SLC2A9: variants seen among roughly 807,000 people sequenced by gnomAD.
The protein encoded by SLC2A9 is solute carrier family 2, facilitated glucose transporter member 9.
Under a neutral mutation model 50.6 loss-of-function variants are expected in SLC2A9, and 39 were observed. The ratio of observed to expected loss-of-function variants is 0.77; its 90% CI spans 0.60 to 1.01. SLC2A9 has a LOEUF of 1.01. Ranked by LOEUF, SLC2A9 falls within the 50% of genes least tolerant of loss-of-function variation. The pLI is 0.00. For missense variants in SLC2A9, 686 were observed against 677.6 expected (o/e 1.01, Z -0.14); for synonymous variants, 324 against 276.9 (o/e 1.17, Z -1.69).
chr4:9,972,060 T>C lies in SLC2A9; in HGVS notation c.681+8532A>G, dbSNP rs561449344. On this transcript the variant is annotated intron_variant, in intron 5 of 11. Transcript: ENST00000264784. ...TCACCTCCCTGAATATGCACATGGT[T>C]TACTATGGCACACCTATGCCAATTG... Among the ~76,000 whole-genome samples the C allele has an allele frequency of 6.4e-4, 97 of 152,238 alleles. 1 individual carries two copies. Among genetic ancestry groups the C allele is most frequent in the Non-Finnish European group, 1.2e-3 (80 of 68,046 alleles).
At chr4:10,038,544 C>T (rs1033889528) in intron 1 of SLC2A9, among the ~76,000 whole-genome samples, 1 of 139,434 alleles carries the variant, frequency 7.2e-6, no homozygotes, top group East Asian at 2.2e-4. Flanking sequence ...TTAGTTCAGA[C>T]AAGTGGGTAC....
chr4:9,893,863 G>A lies in SLC2A9; in HGVS notation c.1114-3152C>T, dbSNP rs114567714. On this transcript the variant is annotated intron_variant, in intron 8 of 11. Coordinates refer to ENST00000264784, the MANE Select transcript of SLC2A9 (RefSeq NM_020041.3). ...CTCTGTGTAACTCATACTAATTTCA[G>A]TGTAACAATGCAACACATGTTAATC... 4.0e-3 allele frequency among the ~76,000 whole-genome samples: 608 copies of A among 152,312 alleles called. 3 individuals carry two copies. Among genetic ancestry groups the A allele is most frequent in the African/African-American group, 0.014 (564 of 41,564 alleles).
chr4:9,854,521 C>T (rs1357558895), intron 10 of SLC2A9, among the ~76,000 whole-genome samples: 1 of 152,150 alleles, frequency 6.6e-6, no homozygotes, highest in Non-Finnish European at 1.5e-5. Context: ...CTGAATTCTA[C>T]CAGATGCATA....
intron 5 of SLC2A9, among the ~76,000 whole-genome samples, chr4:9,971,699 T>A (rs1181871709): frequency 6.6e-6 from 1 of 152,072 alleles, no homozygotes. Flanking sequence ...AAAGGAAATG[T>A]GAAAGTTGTC....
chr4:9,863,010 G>T (rs987044690), intron 10 of SLC2A9, among the ~76,000 whole-genome samples: 1 of 151,928 alleles, frequency 6.6e-6, no homozygotes. Context: ...AATGTGCCCC[G>T]CCCAGGGAGG....
intron 11 of SLC2A9, among the ~76,000 whole-genome samples, chr4:9,833,887 G>C (rs1261985698): frequency 1.3e-5 from 2 of 152,146 alleles, no homozygotes; most frequent in Non-Finnish European, 2.9e-5. Context: ...GTGGGCATTT[G>C]AGCAGGGAAG....
chr4:9,806,868 T>C (rs754015363), intron 3 of SLC2A9, among the ~76,000 whole-genome samples: 1 of 152,192 alleles, frequency 6.6e-6, no homozygotes, highest in African/African-American at 2.4e-5. Flanking sequence ...TCAAAATAGC[T>C]TCTCCAGAGG....
intron 2 of SLC2A9, among the ~76,000 whole-genome samples, chr4:10,001,508 G>T (rs1029914259): frequency 6.6e-6 from 1 of 152,212 alleles, no homozygotes; most frequent in African/African-American, 2.4e-5. Context: ...ACACATTTCA[G>T]TTCTTTCAGT....
chr4:9,821,304 T>C (rs1724364179), downstream of SLC2A9, among the ~76,000 whole-genome samples: 1 of 152,182 alleles, frequency 6.6e-6, no homozygotes, highest in Non-Finnish European at 1.5e-5. Context: ...TTTATAAAAA[T>C]TGTTGATTTA....
At chr4:9,915,394 C>T (rs931276233) in intron 7 of SLC2A9, among the ~76,000 whole-genome samples, 1 of 152,198 alleles carries the variant, frequency 6.6e-6, no homozygotes, top group South Asian at 2.1e-4. Context: ...TGTGCCACCA[C>T]GTCCAGCTAA....
intron 7 of SLC2A9, among the ~76,000 whole-genome samples, chr4:9,914,227 C>T (rs746013731): frequency 6.6e-6 from 1 of 152,112 alleles, no homozygotes; most frequent in Non-Finnish European, 1.5e-5. Flanking sequence ...AGTGGAATTA[C>T]CCGAGAGGTG....
intron 1 of SLC2A9, among the ~76,000 whole-genome samples, chr4:10,020,514 G>A (rs1377876364): frequency 1.3e-5 from 2 of 152,204 alleles, no homozygotes; most frequent in South Asian, 4.1e-4. Context: ...CAATTGAAAT[G>A]TAGTACCAGA....
upstream of SLC2A9, among the ~76,000 whole-genome samples, chr4:10,022,988 C>G (rs951577625): frequency 6.6e-5 from 10 of 152,206 alleles, no homozygotes; most frequent in African/African-American, 2.4e-4. Flanking sequence ...TGGATTTCAG[C>G]TATGCAGCCT....
At chr4:9,934,925 G>A (rs1184178760) in intron 6 of SLC2A9, among the ~76,000 whole-genome samples, 6 of 152,130 alleles carry the variant, frequency 3.9e-5, no homozygotes, top group Non-Finnish European at 5.9e-5. Flanking sequence ...TTCTGTTCCT[G>A]TGTTAGTTTG....
At position 9,837,541 on chromosome 4, in the gene SLC2A9, C is replaced by T. The variant is rs145911075; in HGVS notation, c.1292-2533G>A. Among the ~76,000 whole-genome samples the T allele has an allele frequency of 1.8e-3, 268 of 152,286 alleles. 1 individual carries two copies. The South Asian group carries it at 0.02, about 11-fold the overall frequency. On this transcript the variant is annotated intron_variant, in intron 10 of 11. Transcript: ENST00000264784. Reference sequence around the variant, plus strand: ...CTTCTGAGGCTGGTACAATGGAATGCGGTACATCAATGTACAATGCAGTAG... The same window carrying T: ...CTTCTGAGGCTGGTACAATGGAATGTGGTACATCAATGTACAATGCAGTAG...
intron 10 of SLC2A9, among the ~76,000 whole-genome samples, chr4:9,884,068 G>T (rs1354476544): frequency 6.6e-6 from 1 of 152,230 alleles, no homozygotes; most frequent in Non-Finnish European, 1.5e-5. Context: ...GGGTGCATGT[G>T]CTCATCTACC....
intron 10 of SLC2A9, among the ~76,000 whole-genome samples, chr4:9,864,030 T>C (rs1198898524): frequency 6.6e-6 from 1 of 151,672 alleles, no homozygotes; most frequent in African/African-American, 2.4e-5. Flanking sequence ...GACTGGGGGG[T>C]TGCCATACAG....
chr4:10,024,472 C>T (rs1763688646), upstream of SLC2A9, among the ~76,000 whole-genome samples: 2 of 152,116 alleles, frequency 1.3e-5, no homozygotes, highest in Admixed American at 1.3e-4. Context: ...GGGATGACCA[C>T]GTGAGGACGC....
intron 2 of SLC2A9, among the ~76,000 whole-genome samples, chr4:10,018,252 C>G (rs1762938413): frequency 6.6e-6 from 1 of 152,288 alleles, no homozygotes; most frequent in Middle Eastern, 3.4e-3. Flanking sequence ...AATTTAAAGT[C>G]AACAACACCA....
Sources: gnomAD v4.1 joint callset for allele counts (sites outside exome capture counted in the v4.1 genomes callset) on GRCh38, gnomAD v4.1.1 for gene constraint, MANE v1.5 for transcripts, NCBI Gene and HGNC (gene_info 2026-07-23, HGNC 2026-07-21) for gene names.